POLA1: variants seen among roughly 807,000 people sequenced by gnomAD.
The protein encoded by POLA1 is DNA polymerase alpha 1, catalytic subunit, also known as DNA polymerase alpha catalytic subunit.
In POLA1, 15 loss-of-function variants were observed where a neutral mutation model predicts 124.0. The ratio of observed to expected loss-of-function variants is 0.12; its 90% CI spans 0.08 to 0.19. POLA1 has a LOEUF of 0.19. POLA1 is among the 10% of genes least tolerant of loss of function. POLA1 has a pLI of 1.00. For synonymous variants in POLA1, 408 were observed against 389.4 expected, an observed-to-expected ratio of 1.05 and a Z score of -0.56; for missense variants, 886 against 1,103.4, an observed-to-expected ratio of 0.80 and a Z score of 2.79.
intron 35 of POLA1, among the ~76,000 whole-genome samples, chrX:24,914,047 T>G (rs993901242): frequency 9.1e-6 from 1 of 109,511 alleles, no homozygotes; most frequent in African/African-American, 3.3e-5. Context: ...ATAATAATTT[T>G]TTAAAAAAAG....
intron 4 of POLA1, among the ~76,000 whole-genome samples, chrX:24,713,889 AAG>A (rs1417401880): frequency 8.9e-6 from 1 of 112,154 alleles, no homozygotes; most frequent in Non-Finnish European, 1.9e-5. Flanking sequence ...TATACAGCTA[AAG>A]AGATGATCTC....
chrX:24,964,183 A>G (rs894765777), intron 36 of POLA1, among the ~76,000 whole-genome samples: 1 of 112,359 alleles, frequency 8.9e-6, no homozygotes, highest in Non-Finnish European at 1.9e-5. Flanking sequence ...ATTCTACTGA[A>G]GATCCACCAA....
chrX:24,699,675 A>G (rs1313762067), intron 2 of POLA1, 126 bp downstream of exon 2: 1 of 461,425 alleles, frequency 2.2e-6, no homozygotes, highest in East Asian at 4.1e-5. Flanking sequence ...TGTAATGGGA[A>G]TTTATTAGTA....
intron 26 of POLA1, among the ~76,000 whole-genome samples, chrX:24,767,820 AG>A (rs1338696704): frequency 8.9e-6 from 1 of 112,093 alleles, no homozygotes; most frequent in Non-Finnish European, 1.9e-5. Context: ...AGCTGGGTGG[AG>A]GATGGGAAGC....
chrX:24,951,158 CA>C (rs1287197714), intron 36 of POLA1, among the ~76,000 whole-genome samples: 21 of 109,086 alleles, frequency 1.9e-4, no homozygotes, highest in Admixed American at 1.9e-3. Flanking sequence ...TCATCTTCAC[CA>C]AAACAGGTCC....
intron 26 of POLA1, among the ~76,000 whole-genome samples, chrX:24,782,452 A>G (rs1487185650): frequency 1.8e-5 from 2 of 111,970 alleles, no homozygotes; most frequent in African/African-American, 6.5e-5. Context: ...CTAAATGACA[A>G]GCACATTCCA....
At chrX:24,908,954 G>A (rs1189440278) in intron 35 of POLA1, among the ~76,000 whole-genome samples, 1 of 111,994 alleles carries the variant, frequency 8.9e-6, no homozygotes, top group Non-Finnish European at 1.9e-5. Flanking sequence ...GTATCTCATT[G>A]TGGTTTTGAT....
chrX:24,755,183 G>A (rs189346846), intron 26 of POLA1, among the ~76,000 whole-genome samples: 14 of 112,318 alleles, frequency 1.2e-4, no homozygotes, highest in African/African-American at 4.2e-4. Context: ...TCTGGCTGGA[G>A]CCACAATACG....
chrX:24,913,361 T>G (rs1005692919), intron 35 of POLA1, among the ~76,000 whole-genome samples: 4 of 111,490 alleles, frequency 3.6e-5, no homozygotes, highest in African/African-American at 1.3e-4. Flanking sequence ...GAAGGGGTGT[T>G]TGAAGCATGG....
intron 20 of POLA1, among the ~76,000 whole-genome samples, chrX:24,741,144 TGTGCGCGC>T (rs1248879329): frequency 3.5e-5 from 3 of 84,597 alleles, no homozygotes; most frequent in African/African-American, 1.1e-4. Context: ...TGTGTGTGTG[TGTGCGCGC>T]GTGTGTGTGT....
intron 35 of POLA1, among the ~76,000 whole-genome samples, chrX:24,890,757 G>A (rs978521110): frequency 2.7e-5 from 3 of 112,238 alleles, no homozygotes; most frequent in Admixed American, 9.4e-5. Context: ...TACCTTTGAT[G>A]ATTAGCAACT....
chrX:24,933,149 C>T (rs1297503998), intron 36 of POLA1, among the ~76,000 whole-genome samples: 2 of 111,836 alleles, frequency 1.8e-5, no homozygotes, highest in Admixed American at 1.9e-4. Flanking sequence ...AACCCCTCTC[C>T]TGGGCACTCT....
chrX:24,739,177 C>T (rs1931484901), intron 19 of POLA1, among the ~76,000 whole-genome samples, 198 bp from the exon 20 acceptor site: 1 of 111,806 alleles, frequency 8.9e-6, no homozygotes, highest in Non-Finnish European at 1.9e-5. Context: ...GCCAGGAATC[C>T]TTTCTGTTTT....
chrX:24,956,070 A>G (rs1286643503), intron 36 of POLA1, among the ~76,000 whole-genome samples: 1 of 106,493 alleles, frequency 9.4e-6, no homozygotes, highest in Non-Finnish European at 1.9e-5. Context: ...GACGCAGAAG[A>G]GTCATTTGAG....
intron 19 of POLA1, among the ~76,000 whole-genome samples, chrX:24,738,082 G>T (rs1454735403): frequency 1.9e-5 from 2 of 104,307 alleles, no homozygotes; most frequent in African/African-American, 7.7e-5. Flanking sequence ...GCGCGGTGGC[G>T]GGCGCCTGTA....
At chrX:24,987,575 T>A (rs189019551) in intron 36 of POLA1, among the ~76,000 whole-genome samples, 77 of 112,351 alleles carry the variant, frequency 6.9e-4, no homozygotes, top group African/African-American at 2.4e-3. Context: ...ATTATTATTT[T>A]GCCAGAATAC....
intron 15 of POLA1, among the ~76,000 whole-genome samples, chrX:24,732,041 G>T (rs1930940007): frequency 8.9e-6 from 1 of 111,898 alleles, no homozygotes. Context: ...TACAACCTCT[G>T]CCTCTTGGGT....
intron 10 of POLA1, among the ~76,000 whole-genome samples, chrX:24,720,651 A>C (rs921863777): frequency 5.4e-5 from 6 of 112,056 alleles, no homozygotes; most frequent in African/African-American, 1.9e-4. Context: ...TGCCAGCGTC[A>C]GTTGCCAAGG....
intron 2 of POLA1, among the ~76,000 whole-genome samples, chrX:24,699,940 C>A (rs1833824366): frequency 9.6e-6 from 1 of 103,641 alleles, no homozygotes; most frequent in African/African-American, 3.5e-5. Context: ...AACTGTTCTT[C>A]CTAATCTCAT....
Sources: allele counts gnomAD v4.1 joint callset (sites outside exome capture counted in the v4.1 genomes callset), GRCh38; gene constraint gnomAD v4.1.1; transcripts MANE v1.5; gene names NCBI Gene and HGNC (gene_info 2026-07-23, HGNC 2026-07-21).